The following PRKD1 variants were observed in gnomAD, a reference collection of about 807,000 sequenced individuals.
The protein encoded by PRKD1 is serine/threonine-protein kinase D1.
Under a neutral mutation model 95.9 loss-of-function variants are expected in PRKD1, and 63 were observed. That is an observed-to-expected ratio of 0.66 (90% CI 0.54 to 0.81). PRKD1 has a LOEUF of 0.81. PRKD1 is among the 30% of genes least tolerant of loss of function. PRKD1 has a pLI of 0.00. For synonymous variants in PRKD1, 425 were observed against 423.1 expected, an observed-to-expected ratio of 1.00 and a Z score of -0.05; for missense variants, 1,048 against 1,165.3, an observed-to-expected ratio of 0.90 and a Z score of 1.47.
At chr14:29,674,903 G>A (rs1883067329) in intron 2 of PRKD1, among the ~76,000 whole-genome samples, 1 of 152,196 alleles carries the variant, frequency 6.6e-6, no homozygotes, top group Non-Finnish European at 1.5e-5. Context: ...CTTTACTTCA[G>A]GTTGCTTTAA....
chr14:29,686,319 G>A lies in PRKD1; in HGVS notation c.404-20111C>T, dbSNP rs141128474. ...CTCAAACAAGGCCTGGGGTGGAAGC[G>A]TCTGGGGGAATGACCACAGGCAGTG... is the stretch of plus-strand genomic sequence containing the variant. On this transcript the variant is annotated intron_variant, in intron 2 of 17. Coordinates refer to ENST00000331968, the MANE Select transcript of PRKD1 (RefSeq NM_002742.3). Among the ~76,000 whole-genome samples, 211 of 152,282 alleles carry A rather than the reference G, an allele frequency of 1.4e-3. 1 individual carries two copies. Among genetic ancestry groups the A allele is most frequent in the Middle Eastern group, 0.01 (3 of 294 alleles).
At chr14:29,577,947 A>T (rs1487936818) in intron 17 of PRKD1, among the ~76,000 whole-genome samples, 1 of 152,136 alleles carries the variant, frequency 6.6e-6, no homozygotes, top group African/African-American at 2.4e-5. Context: ...AGGATTACAC[A>T]TACAGATGCT....
At chr14:29,880,789 G>A (rs999269108) in intron 1 of PRKD1, among the ~76,000 whole-genome samples, 1 of 152,218 alleles carries the variant, frequency 6.6e-6, no homozygotes, top group African/African-American at 2.4e-5. Context: ...ACCTGGATGT[G>A]AGACCTGGAG....
At chr14:29,865,497 T>A (rs1229911459) in intron 1 of PRKD1, among the ~76,000 whole-genome samples, 1 of 152,158 alleles carries the variant, frequency 6.6e-6, no homozygotes, top group Non-Finnish European at 1.5e-5. Flanking sequence ...ATTGTTTGAG[T>A]TGGTTCATTA....
At chr14:29,622,645 C>T (rs1407115951) in intron 13 of PRKD1, among the ~76,000 whole-genome samples, 3 of 152,042 alleles carry the variant, frequency 2.0e-5, no homozygotes, top group African/African-American at 7.2e-5. Flanking sequence ...TCAGGTGATC[C>T]GCCCTCCTCC....
intron 1 of PRKD1, among the ~76,000 whole-genome samples, chr14:29,833,816 T>C (rs1891507280): frequency 6.6e-6 from 1 of 151,872 alleles, no homozygotes; most frequent in South Asian, 2.1e-4. Flanking sequence ...ATTTCATATA[T>C]AAAAAAGCAA....
chr14:29,607,015 GAT>G (rs1878024954), intron 13 of PRKD1, among the ~76,000 whole-genome samples: 1 of 152,132 alleles, frequency 6.6e-6, no homozygotes, highest in South Asian at 2.1e-4. Flanking sequence ...AAAATAGGAT[GAT>G]AGTAATGTGT....
At chr14:29,850,892 A>AC (rs1456449188) in intron 1 of PRKD1, among the ~76,000 whole-genome samples, 1 of 148,260 alleles carries the variant, frequency 6.7e-6, no homozygotes, top group Non-Finnish European at 1.5e-5. Flanking sequence ...AGACAAAAAA[A>AC]AATTAAAAAA....
chr14:29,839,531 G>T (rs1891746824), intron 1 of PRKD1, among the ~76,000 whole-genome samples: 1 of 152,128 alleles, frequency 6.6e-6, no homozygotes, highest in African/African-American at 2.4e-5. Flanking sequence ...GGGTCTGGAG[G>T]ACGGTGGCCC....
chr14:29,586,702 C>T (rs1414695958), intron 16 of PRKD1, among the ~76,000 whole-genome samples: 3 of 152,074 alleles, frequency 2.0e-5, no homozygotes, highest in East Asian at 1.9e-4. Flanking sequence ...AGTGCAATGG[C>T]GTGATCTTGG....
chr14:29,850,004 C>T (rs905318878), intron 1 of PRKD1, among the ~76,000 whole-genome samples: 4 of 152,098 alleles, frequency 2.6e-5, no homozygotes, highest in Non-Finnish European at 5.9e-5. Flanking sequence ...TGCAACATCC[C>T]TTCATGATGA....
intron 1 of PRKD1, among the ~76,000 whole-genome samples, chr14:29,824,530 T>C (rs45515102): frequency 9.3e-4 from 142 of 152,268 alleles, no homozygotes; most frequent in African/African-American, 3.1e-3. Flanking sequence ...AGAATCAACA[T>C]CATTTTCTAT....
intron 2 of PRKD1, among the ~76,000 whole-genome samples, chr14:29,684,839 C>T (rs1477829153): frequency 1.3e-5 from 2 of 152,168 alleles, no homozygotes; most frequent in African/African-American, 4.8e-5. Context: ...AGACTGTTAG[C>T]AAATTAAGGC....
At chr14:29,722,003 G>A (rs1235198091) in intron 2 of PRKD1, among the ~76,000 whole-genome samples, 1 of 151,116 alleles carries the variant, frequency 6.6e-6, no homozygotes, top group Non-Finnish European at 1.5e-5. Flanking sequence ...TGAAAAGTCT[G>A]AGCAGAAAAT....
chr14:29,635,942 TGA>T (rs773197601), intron 7 of PRKD1, among the ~76,000 whole-genome samples: 22 of 152,300 alleles, frequency 1.4e-4, no homozygotes, highest in Non-Finnish European at 2.8e-4. Context: ...TGATTTCTGC[TGA>T]GTTTGATCTT....
Position 29,663,841 on chromosome 14 carries a change from T to A in PRKD1, c.554A>T (p.His185Leu). 6.2e-7 allele frequency: 1 copy of A among 1,613,934 alleles called. No individual in the cohort carries two copies. The highest frequency in any genetic ancestry group is 1.1e-5 in the South Asian group (1 of 91,082). Reference sequence around the variant, plus strand: ...GGGTATTTTAAATGCACATCTCTTATGGTAATTCAGACCACACCCTGGAAA... The same window carrying A: ...GGGTATTTTAAATGCACATCTCTTAAGGTAATTCAGACCACACCCTGGAAA... ...LKCEGCGLNY[H>L]KRCAFKIPNN... The change falls in exon 4 of 18, where the codon CAT (histidine) becomes CTT (leucine). Residue 185 changes from histidine (H) to leucine (L), a missense_variant. Physicochemically the swap from His to Leu is moderately conservative, Grantham distance 99 (BLOSUM62 -3). Coordinates refer to ENST00000331968, the MANE Select transcript of PRKD1 (RefSeq NM_002742.3).
intron 2 of PRKD1, among the ~76,000 whole-genome samples, chr14:29,681,304 C>T (rs1883526792): frequency 6.6e-6 from 1 of 151,958 alleles, no homozygotes; most frequent in African/African-American, 2.4e-5. Flanking sequence ...TTTCTTGTGT[C>T]TTTAAGTGAG....
At chr14:29,742,047 C>T (rs1887002224) in intron 1 of PRKD1, among the ~76,000 whole-genome samples, 2 of 152,092 alleles carry the variant, frequency 1.3e-5, no homozygotes, top group Admixed American at 1.3e-4. Context: ...AAAGCCAAAT[C>T]CCCAAGGAAG....
intron 1 of PRKD1, among the ~76,000 whole-genome samples, chr14:29,870,464 T>C (rs1017956036): frequency 1.3e-5 from 2 of 152,202 alleles, no homozygotes; most frequent in African/African-American, 4.8e-5. Context: ...TTTCATAAAG[T>C]GCTAATCAAT....
Sources: allele counts gnomAD v4.1 joint callset (sites outside exome capture counted in the v4.1 genomes callset), GRCh38; gene constraint gnomAD v4.1.1; transcripts MANE v1.5; gene names NCBI Gene and HGNC (gene_info 2026-07-23, HGNC 2026-07-21).